COL6A1: variants seen among roughly 807,000 people sequenced by gnomAD.
COL6A1 encodes the protein collagen type VI alpha 1 chain.
In COL6A1, 80 loss-of-function variants were observed where a neutral mutation model predicts 145.6. The observed-to-expected ratio is 0.55, with a 90% confidence interval of 0.46 to 0.66. COL6A1 has a LOEUF of 0.66. Ranked by LOEUF, COL6A1 falls within the 30% of genes least tolerant of loss-of-function variation. COL6A1 has a pLI of 0.00. For missense variants in COL6A1, 1,364 were observed against 1,473.8 expected, an observed-to-expected ratio of 0.93 and a Z score of 1.22; for synonymous variants, 638 against 622.8, an observed-to-expected ratio of 1.02 and a Z score of -0.36.
At chr21:45,982,988 G>GGCCGGGGCCCTTTCCGGCGC (rs2077717048) in intron 2 of COL6A1, among the ~76,000 whole-genome samples, 1 of 152,236 alleles carries the variant, frequency 6.6e-6, no homozygotes, top group African/African-American at 2.4e-5. Flanking sequence ...TCCAGAGTGA[G>GGCCGGGGCCCTTTCCGGCGC]CTGGTTTGAG....
At chr21:46,000,255 T>C in intron 27 of COL6A1, 76 bp from the exon 28 acceptor site, 1 of 1,587,802 alleles carries the variant, frequency 6.3e-7, no homozygotes, top group Admixed American at 1.7e-5. Flanking sequence ...GAGGGTGACC[T>C]GGAGATCCAG....
At chr21:45,998,339 C>T (rs2077818575) in intron 23 of COL6A1, 59 bp from the exon 24 acceptor site, 1 of 1,610,320 alleles carries the variant, frequency 6.2e-7, no homozygotes, top group Non-Finnish European at 8.5e-7. Context: ...CTGTGCGCCC[C>T]TCACAGCCTC....
In COL6A1 at chr21:46,001,672, T is replaced by G. The variant is rs148511101; in HGVS notation, c.1956+286T>G. 3.2e-3 allele frequency among the ~76,000 whole-genome samples: 485 copies of G among 152,280 alleles called. 3 individuals carry two copies. The highest frequency in any genetic ancestry group is 0.011 in the African/African-American group (457 of 41,568). The stretch of plus-strand genomic sequence containing the variant: ...GTGCTGGGTGTGGGCTTGTCCCTCG[T>G]GGACAGAACCCAGGAGGGCTTCATC... On this transcript the variant is annotated intron_variant, in intron 30 of 34. Coordinates refer to ENST00000361866, the MANE Select transcript of COL6A1 (RefSeq NM_001848.3).
intron 1 of COL6A1, 65 bp from the exon 2 acceptor site, chr21:45,982,569 G>T: frequency 6.2e-7 from 1 of 1,608,244 alleles, no homozygotes; most frequent in Non-Finnish European, 8.5e-7. Context: ...CGGGAGGGCA[G>T]GCCCAGCAGA....
intron 33 of COL6A1, 52 bp downstream of exon 33, chr21:46,002,762 G>T (rs1213068859): frequency 2.0e-6 from 3 of 1,533,916 alleles, no homozygotes; most frequent in Non-Finnish European, 1.8e-6. Flanking sequence ...TGCGCGCGGG[G>T]CCGCCCGGGC....
rs1481921234 is a variant in COL6A1 at position 46,003,780 on chromosome 21, C to T, written c.2854C>T (p.Pro952Ser). ...AGATGGCAACTCGCAGGGCGCCACG[C>T]CCGCTGCCATCGAGAAGGCCGTGCA... is the stretch of plus-strand genomic sequence containing the variant. ...FSDGNSQGAT[P>S]AAIEKAVQEA... Residue 952 changes from proline (P) to serine (S), a missense_variant, in exon 35 of 35, where the codon CCC becomes TCC. This residue lies in a region of COL6A1 where 938 missense variants were observed against 1,003.8 expected (regional missense o/e 0.93). Coordinates refer to ENST00000361866, the MANE Select transcript of COL6A1 (RefSeq NM_001848.3). 3 of 1,611,826 alleles carry T rather than the reference C, an allele frequency of 1.9e-6. No homozygotes were observed. The highest frequency in any genetic ancestry group is 2.2e-5 in the East Asian group (1 of 44,838).
intron 2 of COL6A1, among the ~76,000 whole-genome samples, chr21:45,983,696 C>G (rs528682811): frequency 6.6e-6 from 1 of 152,050 alleles, no homozygotes; most frequent in African/African-American, 2.4e-5. Flanking sequence ...CGGGGAGGGG[C>G]GGCCGCGTGG....
intron 18 of COL6A1, 86 bp downstream of exon 18, chr21:45,992,484 C>A: frequency 1.3e-6 from 2 of 1,485,264 alleles, no homozygotes; most frequent in South Asian, 1.2e-5. Context: ...GCCCTCCCAG[C>A]ACTGAGAGCC....
intron 2 of COL6A1, among the ~76,000 whole-genome samples, 175 bp from the exon 3 acceptor site, chr21:45,984,094 C>T (rs764642490): frequency 5.9e-5 from 9 of 152,198 alleles, no homozygotes; most frequent in Admixed American, 3.9e-4. Flanking sequence ...TGGCCACACC[C>T]GCCTGCACAG....
At position 46,001,358 on chromosome 21, in the gene COL6A1, A is replaced by G. The variant is rs2077843990; in HGVS notation, c.1928A>G (p.Asp643Gly). ...AAGGACTTCGTCGTCAAGGTCATCG[A>G]CCGGCTGAGCCGGGACGAGCTGGTC... ...IAKDFVVKVI[D>G]RLSRDELVKF... is the part of the protein sequence containing the mutation. Residue 643 changes from aspartate to glycine, a missense_variant, in exon 30 of 35, where the codon GAC becomes GGC. Coordinates refer to ENST00000361866, the MANE Select transcript of COL6A1 (RefSeq NM_001848.3). The G allele has an allele frequency of 6.2e-7, 1 of 1,612,174 alleles. No individual in the cohort carries two copies. The highest frequency in any genetic ancestry group is 1.3e-5 in the African/African-American group (1 of 74,888).
chr21:45,998,771 ATG>A (rs148345528), intron 24 of COL6A1, 124 bp from the exon 25 acceptor site: 42,108 of 1,204,514 alleles, frequency 0.035, 919 homozygotes, highest in Non-Finnish European at 0.041. Context: ...AGCCCAGGAA[ATG>A]TGTGTGGTGG....
chr21:46,004,143 A>G lies in COL6A1; in HGVS notation c.*130A>G, dbSNP rs966033672. On this transcript the variant is annotated 3_prime_UTR_variant, in exon 35 of 35. Transcript: ENST00000361866. ...AGATTTTTTTTAAGGAAAAGCTTGG[A>G]AAGCCAGGACACAACGCTGCTGCCT... 7 of 1,329,170 alleles carry G rather than the reference A, an allele frequency of 5.3e-6. No homozygotes were observed. In the African/African-American group the frequency reaches 1.0e-4, roughly 19 times the overall value. 82.3% of individuals were successfully genotyped at this position (1,329,170 alleles called of 1,614,324 possible). A position where few individuals can be genotyped will look rare whatever the true frequency, so the allele number is the denominator to read the frequency against.
In COL6A1 at chr21:45,992,658, G is replaced by T. The variant is rs1037010129; in HGVS notation, c.1273-90G>T. 4 of 1,326,094 alleles carry T rather than the reference G, an allele frequency of 3.0e-6. No homozygotes were observed. The South Asian group carries it at 3.8e-5, about 13-fold the overall frequency. 82.1% of individuals were successfully genotyped at this position (1,326,094 alleles called of 1,614,324 possible). A position where few individuals can be genotyped will look rare whatever the true frequency, so the allele number is the denominator to read the frequency against. On this transcript the variant is annotated intron_variant, in intron 18 of 34. Coordinates refer to ENST00000361866, the MANE Select transcript of COL6A1 (RefSeq NM_001848.3). ...GCCCCTCCCAGGGGTCCTGCTGGGG[G>T]AGTCAGTCCAGGCCAGGCCTCAAGC...
chr21:45,986,778 G>A (rs2077741670), intron 4 of COL6A1, 93 bp downstream of exon 4: 24 of 1,518,642 alleles, frequency 1.6e-5, no homozygotes, highest in Non-Finnish European at 2.0e-5. Context: ...TGGTCCTCGG[G>A]AGGGTGTGGG....
chr21:45,985,091 CAGAG>C (rs906586625), intron 3 of COL6A1, among the ~76,000 whole-genome samples: 6 of 148,308 alleles, frequency 4.0e-5, no homozygotes, highest in African/African-American at 1.3e-4. Flanking sequence ...GAAACAGAGA[CAGAG>C]AGACAGAGAC....
chr21:45,989,499 C>T, intron 9 of COL6A1, 109 bp from the exon 10 acceptor site: 1 of 1,165,072 alleles, frequency 8.6e-7, no homozygotes, highest in South Asian at 1.2e-5. Flanking sequence ...CAGGGCCCCT[C>T]TCTCGGCCTG....
At chr21:45,999,606 G>T in intron 26 of COL6A1, 51 bp from the exon 27 acceptor site, 4 of 1,602,328 alleles carry the variant, frequency 2.5e-6, no homozygotes, top group Non-Finnish European at 2.6e-6. Context: ...AGCTCAGGAA[G>T]CACAGTGGGC....
At position 45,981,823 on chromosome 21, in the gene COL6A1, C is replaced by T. The variant is rs1409578375; in HGVS notation, c.-28C>T. On this transcript the variant is annotated 5_prime_UTR_variant, in exon 1 of 35. Transcript: ENST00000361866. ...GCGGCGGCCCACTCTGCCCTGGCCGCGCTGTGTGGTGACCGCAGGCCCCAG... is the reference window on the plus strand; with the variant it reads ...GCGGCGGCCCACTCTGCCCTGGCCGTGCTGTGTGGTGACCGCAGGCCCCAG... The T allele has an allele frequency of 2.6e-5, 40 of 1,539,780 alleles. No homozygotes were observed. The highest frequency in any genetic ancestry group is 3.3e-5 in the Non-Finnish European group (38 of 1,139,172).
At chr21:45,998,688 C>A (rs186356255) in intron 24 of COL6A1, among the ~76,000 whole-genome samples, 2 of 152,348 alleles carry the variant, frequency 1.3e-5, no homozygotes, top group East Asian at 3.9e-4. Flanking sequence ...GATCTCCCCT[C>A]GGTGCGCAGG....
Sources: gnomAD v4.1 joint callset for allele counts (sites outside exome capture counted in the v4.1 genomes callset) on GRCh38, gnomAD v4.1.1 for gene constraint, gnomAD v4.1.1 regional missense constraint, MANE v1.5 for transcripts, NCBI Gene and HGNC (gene_info 2026-07-23, HGNC 2026-07-21) for gene names.